Variants in ULK2 observed in about 807,000 individuals in gnomAD.
ULK2 encodes the protein unc-51 like autophagy activating kinase 2.
In ULK2, 76 loss-of-function variants were observed where a neutral mutation model predicts 127.5. The ratio of observed to expected loss-of-function variants is 0.60; its 90% confidence interval spans 0.50 to 0.72. The LOEUF (loss-of-function observed/expected upper bound fraction) is 0.72. Among genes scored for constraint, ULK2 ranks in the 30% least tolerant of loss-of-function variants. The pLI is 0.00. For missense variants in ULK2, 1,144 were observed against 1,295.9 expected (o/e 0.88, Z 1.80); for synonymous variants, 452 against 461.9 (o/e 0.98, Z 0.28).
rs2086797736 is a variant in ULK2 at position 19,775,534 on chromosome 17, A to G, written c.*815T>C. On this transcript the variant is annotated 3_prime_UTR_variant, in exon 27 of 27. Transcript: ENST00000395544. ...AAAATGGAACCAAAAGCTAACAAAA[A>G]CATTACTGAGAAAATCTGTAGGTGT... is the stretch of plus-strand genomic sequence containing the variant. The G allele has an allele frequency of 6.6e-6, 1 of 152,108 alleles. No individual in the cohort carries two copies. Among genetic ancestry groups the G allele is most frequent in the African/African-American group, 2.4e-5 (1 of 41,228 alleles). 9.4% of individuals were successfully genotyped at this position (152,108 alleles called of 1,614,324 possible).
chr17:19,839,434 G>A (rs965954456), intron 9 of ULK2, among the ~76,000 whole-genome samples: 1 of 152,114 alleles, frequency 6.6e-6, no homozygotes, highest in African/African-American at 2.4e-5. Context: ...GGAGGCCAAG[G>A]CAGGTGGATC....
rs118115109 is a variant in ULK2 at position 19,801,636 on chromosome 17, A to C, written c.1441+141T>G. On this transcript the variant is annotated intron_variant, in intron 16 of 26. Coordinates refer to ENST00000395544, the MANE Select transcript of ULK2 (RefSeq NM_014683.4). ...AAAAGAGGGAGTTGGGATTGGGGTAAAGATGGAGGGACGGGGTATGGCCTC... is the reference window on the plus strand; with the variant it reads ...AAAAGAGGGAGTTGGGATTGGGGTACAGATGGAGGGACGGGGTATGGCCTC... 2,637 of 1,061,148 alleles carry C rather than the reference A, an allele frequency of 2.5e-3. 68 individuals carry two copies. The East Asian group carries it at 0.054, about 22-fold the overall frequency. The allele number at this position is 1,061,148 out of a possible 1,614,324, so 65.7% of individuals were successfully genotyped here.
intron 3 of ULK2, among the ~76,000 whole-genome samples, chr17:19,859,663 C>T (rs992157322): frequency 6.6e-6 from 1 of 152,094 alleles, no homozygotes; most frequent in African/African-American, 2.4e-5. Flanking sequence ...GGAAACACTC[C>T]AAATAGCCAT....
chr17:19,824,063 A>G (rs1295806101), intron 12 of ULK2, among the ~76,000 whole-genome samples: 2 of 152,208 alleles, frequency 1.3e-5, no homozygotes, highest in Non-Finnish European at 2.9e-5. Context: ...GGTGTCCTAT[A>G]TGACAGGTAA....
At chr17:19,856,850 G>A (rs976413370) in intron 3 of ULK2, among the ~76,000 whole-genome samples, 2 of 150,712 alleles carry the variant, frequency 1.3e-5, no homozygotes, top group Admixed American at 6.6e-5. Context: ...GGTGGTAGGC[G>A]CCTGTAGTCC....
In ULK2 at chr17:19,781,929, C is replaced by T; in HGVS notation, c.2599G>A (p.Val867Met). 1 of 1,614,234 alleles carries T rather than the reference C, an allele frequency of 6.2e-7. No individual in the cohort carries two copies. The highest frequency in any genetic ancestry group is 8.5e-7 in the Non-Finnish European group (1 of 1,180,040). The change falls in exon 23 of 27, where the codon GTG becomes ATG. Residue 867 changes from valine to methionine, a missense_variant. Val to Met is a conservative substitution (Grantham distance 21). This residue lies in a region of ULK2 where 913 missense variants were observed against 970.5 expected (regional missense o/e 0.94). Transcript: ENST00000395544. ...AVSLYQIQESVVVDQISQLSK... is the reference protein window; with the variant it reads ...AVSLYQIQESMVVDQISQLSK... ...AGCTGACTGATCTGGTCCACCACCA[C>T]ACTCTCCTGGATCTGGTACAAGGAC...
chr17:19,867,406 C>G lies in ULK2; in HGVS notation c.12G>C (p.Val4=). 6.3e-7 allele frequency: 1 copy of G among 1,598,032 alleles called. No homozygotes were observed. The change falls in exon 1 of 27, where the codon GTG becomes GTC. Residue 4 remains valine, a synonymous_variant. Transcript: ENST00000395544. MEV[V]GDFEYSKRDL... ...CCCTCTTGCTGTACTCGAAGTCACCCACCACCTCCATGGCCGCGCCCCCGG... is the reference window on the plus strand; with the variant it reads ...CCCTCTTGCTGTACTCGAAGTCACCGACCACCTCCATGGCCGCGCCCCCGG...
rs77677643 is a variant in ULK2, at chr17:19,824,844, T to C, written c.924+250A>G. Among the ~76,000 whole-genome samples the C allele has an allele frequency of 4.8e-3, 732 of 152,352 alleles. 25 individuals carry two copies. In the East Asian group the frequency reaches 0.089, roughly 19 times the overall value. On this transcript the variant is annotated intron_variant, in intron 12 of 26. Coordinates refer to ENST00000395544, the MANE Select transcript of ULK2 (RefSeq NM_014683.4). The stretch of plus-strand genomic sequence containing the variant: ...ATAGGGTATAAGAAGGTGATAGTGC[T>C]ATACTCACTGTTCAGAGGAAAATGG...
chr17:19,865,898 CGAA>C lies in ULK2; in HGVS notation c.91-73_91-71del, dbSNP rs111791364. On this transcript the variant is annotated intron_variant, in intron 1 of 26. Coordinates refer to ENST00000395544, the MANE Select transcript of ULK2 (RefSeq NM_014683.4). ...AATAACAGAAAAAAATTTACAAGCG[CGAA>C]GGTGTTTTTGGCAAATAAATGTACG... 358 of 923,368 alleles carry C rather than the reference CGAA, an allele frequency of 3.9e-4. 1 individual carries two copies. The African/African-American group carries it at 5.6e-3, about 14-fold the overall frequency. 57.2% of individuals were successfully genotyped at this position (923,368 alleles called of 1,614,324 possible).
intron 13 of ULK2, among the ~76,000 whole-genome samples, chr17:19,814,419 T>TACATATATATACATATATATAC (rs1179974040): frequency 5.6e-4 from 9 of 16,216 alleles, no homozygotes; most frequent in African/African-American, 1.3e-3. Flanking sequence ...TACATATATA[T>TACATATATATACATATATATAC]ATATATATAT....
rs1465159451 is a variant in ULK2 at position 19,774,431 on chromosome 17, C to T, written c.*1918G>A. On this transcript the variant is annotated 3_prime_UTR_variant, in exon 27 of 27. Coordinates refer to ENST00000395544, the MANE Select transcript of ULK2 (RefSeq NM_014683.4). ...CTTCCCCTCTCTGAACCTGTTTCAT[C>T]CTGTCTTAAAAAAGAAATGGGAGAG... 1 of 152,036 alleles carries T rather than the reference C, an allele frequency of 6.6e-6. No individual in the cohort carries two copies. The highest frequency in any genetic ancestry group is 2.4e-5 in the African/African-American group (1 of 41,366). The allele number at this position is 152,036 out of a possible 1,614,324, so 9.4% of individuals were successfully genotyped here.
chr17:19,782,743 C>A (rs2086945988), intron 22 of ULK2, among the ~76,000 whole-genome samples: 1 of 152,084 alleles, frequency 6.6e-6, no homozygotes. Context: ...TGGCGAAATC[C>A]CGTCTCTACT....
chr17:19,866,722 T>C (rs2042358330), intron 1 of ULK2, among the ~76,000 whole-genome samples: 2 of 152,304 alleles, frequency 1.3e-5, no homozygotes, highest in Admixed American at 1.3e-4. Flanking sequence ...ACAATTTTTT[T>C]AAGGCTTAAA....
In ULK2 at chr17:19,826,189, G is replaced by A. The variant is rs1343704520; in HGVS notation, c.788-3C>T. ...AAAAGGATGGCTAAAAAATGCTTCT[G>A]TAACAAGAAATGAGAATGCAACCTT... is the stretch of plus-strand genomic sequence containing the variant. On this transcript the variant is annotated splice_polypyrimidine_tract_variant and splice_region_variant and intron_variant, in intron 10 of 26. Coordinates refer to ENST00000395544, the MANE Select transcript of ULK2 (RefSeq NM_014683.4). The A allele has an allele frequency of 6.9e-7, 1 of 1,443,292 alleles. No homozygotes were observed. The highest frequency in any genetic ancestry group is 2.2e-5 in the Admixed American group (1 of 45,842). The allele number at this position is 1,443,292 out of a possible 1,614,324, so 89.4% of individuals were successfully genotyped here. A position where few individuals can be genotyped will look rare whatever the true frequency, so the allele number is the denominator to read the frequency against.
intron 4 of ULK2, 144 bp from the exon 5 acceptor site, chr17:19,849,549 A>C (rs2041967610): frequency 6.2e-6 from 6 of 968,144 alleles, no homozygotes; most frequent in Non-Finnish European, 9.1e-6. Flanking sequence ...AAATTTTTTA[A>C]ATTTTATATT....
At chr17:19,840,988 T>C (rs2041737663) in intron 9 of ULK2, among the ~76,000 whole-genome samples, 1 of 151,924 alleles carries the variant, frequency 6.6e-6, no homozygotes, top group Non-Finnish European at 1.5e-5. Flanking sequence ...TGCAAACAAC[T>C]CACAAAATAT....
chr17:19,807,621 G>A (rs1324336356), intron 14 of ULK2, among the ~76,000 whole-genome samples: 1 of 151,950 alleles, frequency 6.6e-6, no homozygotes, highest in Non-Finnish European at 1.5e-5. Flanking sequence ...TAGACCATAG[G>A]AAGAGAAGCC....
At chr17:19,787,682 A>C (rs1276049450) in intron 20 of ULK2, among the ~76,000 whole-genome samples, 1 of 152,234 alleles carries the variant, frequency 6.6e-6, no homozygotes, top group East Asian at 1.9e-4. Context: ...GCAAAATAGA[A>C]GGCTCCACCA....
chr17:19,788,106 G>A (rs988013096), intron 20 of ULK2, among the ~76,000 whole-genome samples: 7 of 152,104 alleles, frequency 4.6e-5, no homozygotes, highest in African/African-American at 1.7e-4. Context: ...AAGCTAAAGC[G>A]CTCCGGGTCC....
Sources: allele counts gnomAD v4.1 joint callset (sites outside exome capture counted in the v4.1 genomes callset), GRCh38; gene constraint gnomAD v4.1.1; regional missense constraint gnomAD v4.1.1; transcripts MANE v1.5; gene names NCBI Gene and HGNC (gene_info 2026-07-23, HGNC 2026-07-21).